The following GRID1 variants were observed in gnomAD, a reference collection of about 807,000 sequenced individuals.
GRID1 encodes glutamate ionotropic receptor delta type subunit 1.
Under a neutral mutation model 98.0 loss-of-function variants are expected in GRID1, and 28 were observed. The observed-to-expected ratio is 0.29, with a 90% CI of 0.21 to 0.39. GRID1 has a LOEUF of 0.39. Ranked by LOEUF, GRID1 falls within the 10% of genes least tolerant of loss-of-function variation. The pLI, the probability that GRID1 is intolerant of heterozygous loss-of-function variation, is 1.00. For synonymous variants in GRID1, 553 were observed against 538.5 expected, an observed-to-expected ratio of 1.03 and a Z score of -0.37; for missense variants, 1,111 against 1,340.5, an observed-to-expected ratio of 0.83 and a Z score of 2.67.
chr10:85,828,813 T>C (rs1842842555), intron 8 of GRID1, among the ~76,000 whole-genome samples: 1 of 151,968 alleles, frequency 6.6e-6, no homozygotes, highest in Non-Finnish European at 1.5e-5. Context: ...GAATCAGTAA[T>C]AAAAAGCCTA....
chr10:85,603,060 A>G (rs1842604748), intron 15 of GRID1, among the ~76,000 whole-genome samples: 2 of 152,212 alleles, frequency 1.3e-5, no homozygotes, highest in Middle Eastern at 3.2e-3. Flanking sequence ...ACAGGAATAA[A>G]GGAAATAGTC....
At chr10:85,819,507 G>A (rs958897521) in intron 8 of GRID1, among the ~76,000 whole-genome samples, 22 of 152,084 alleles carry the variant, frequency 1.4e-4, no homozygotes, top group African/African-American at 5.1e-4. Flanking sequence ...CCTTAAACAG[G>A]CAATCAAGGT....
intron 5 of GRID1, among the ~76,000 whole-genome samples, chr10:85,902,222 A>C (rs1287667580): frequency 1.3e-5 from 2 of 152,176 alleles, no homozygotes; most frequent in African/African-American, 4.8e-5. Context: ...AGTTTTTTCT[A>C]TCTGATAACC....
chr10:85,877,984 A>C (rs561056678), intron 5 of GRID1, among the ~76,000 whole-genome samples: 1 of 152,254 alleles, frequency 6.6e-6, no homozygotes, highest in South Asian at 2.1e-4. Flanking sequence ...CAGAAGCCTC[A>C]GGAGCCGATG....
At chr10:85,713,901 C>A (rs895821177) in intron 12 of GRID1, among the ~76,000 whole-genome samples, 1 of 151,902 alleles carries the variant, frequency 6.6e-6, no homozygotes, top group Non-Finnish European at 1.5e-5. Flanking sequence ...TCATACTCAG[C>A]AGTAAAAAGC....
intron 6 of GRID1, among the ~76,000 whole-genome samples, chr10:85,857,564 C>T (rs73340506): frequency 1.3e-5 from 2 of 152,098 alleles, no homozygotes; most frequent in African/African-American, 2.4e-5. Flanking sequence ...GAAGGGAAGG[C>T]GGTGAGGGCG....
At chr10:86,074,333 A>G (rs1843848752) in intron 4 of GRID1, among the ~76,000 whole-genome samples, 2 of 152,228 alleles carry the variant, frequency 1.3e-5, no homozygotes, top group African/African-American at 4.8e-5. Context: ...CCACTCGTCC[A>G]TCTCAGTCTC....
chr10:85,774,059 A>T lies in GRID1; in HGVS notation c.1234-44445T>A, dbSNP rs554681310. ...AGAACAAAGCTGTAGGCATCACGCTATCTGACTTCAAACTATACTACAAGG... is the reference window on the plus strand; with the variant it reads ...AGAACAAAGCTGTAGGCATCACGCTTTCTGACTTCAAACTATACTACAAGG... On this transcript the variant is annotated intron_variant, in intron 8 of 15. Transcript: ENST00000327946. Among the ~76,000 whole-genome samples, 25 of 152,212 alleles carry T rather than the reference A, an allele frequency of 1.6e-4. 1 individual carries two copies. Among genetic ancestry groups the T allele is most frequent in the African/African-American group, 5.8e-4 (24 of 41,454 alleles).
At chr10:85,613,245 C>T (rs1204665962) in intron 15 of GRID1, 162 bp downstream of exon 15, 1 of 735,080 alleles carries the variant, frequency 1.4e-6, no homozygotes. Flanking sequence ...GTTTTAAAAA[C>T]AAAATAAAAC....
At chr10:85,898,246 G>T (rs1425082199) in intron 5 of GRID1, among the ~76,000 whole-genome samples, 7 of 152,160 alleles carry the variant, frequency 4.6e-5, no homozygotes, top group Non-Finnish European at 1.0e-4. Flanking sequence ...ATAAAAAATT[G>T]TACAACTGTA....
intron 2 of GRID1, among the ~76,000 whole-genome samples, chr10:86,228,020 T>C (rs1264913051): frequency 6.6e-6 from 1 of 150,780 alleles, no homozygotes; most frequent in Non-Finnish European, 1.5e-5. Flanking sequence ...GGAAGGATAG[T>C]TGGATGGATG....
intron 8 of GRID1, among the ~76,000 whole-genome samples, chr10:85,758,602 T>C (rs945268302): frequency 6.6e-6 from 1 of 152,152 alleles, no homozygotes; most frequent in African/African-American, 2.4e-5. Flanking sequence ...TCTCATAGTG[T>C]CTCACCATCA....
At chr10:86,022,478 A>G (rs992951166) in intron 4 of GRID1, among the ~76,000 whole-genome samples, 8 of 152,116 alleles carry the variant, frequency 5.3e-5, no homozygotes, top group Non-Finnish European at 1.0e-4. Context: ...CCTCCTGCCC[A>G]TAAGGGTCAT....
rs546647572 is a variant in GRID1 at position 86,196,636 on chromosome 10, G to A, written c.520+9728C>T. ...ATTGCCATCTCACTGTGATTCATATGTGTTTTGTAGTCATTCTTGACTTGA... is the reference window on the plus strand; with the variant it reads ...ATTGCCATCTCACTGTGATTCATATATGTTTTGTAGTCATTCTTGACTTGA... On this transcript the variant is annotated intron_variant, in intron 3 of 15. Coordinates refer to ENST00000327946, the MANE Select transcript of GRID1 (RefSeq NM_017551.3). 1.6e-4 allele frequency among the ~76,000 whole-genome samples: 24 copies of A among 152,236 alleles called. No homozygotes were observed. The East Asian group carries it at 4.6e-3, about 29-fold the overall frequency.
intron 3 of GRID1, among the ~76,000 whole-genome samples, chr10:86,173,167 A>C (rs1845519825): frequency 6.6e-6 from 1 of 152,212 alleles, no homozygotes; most frequent in South Asian, 2.1e-4. Context: ...CCTACCAAGT[A>C]GCTGGGACTA....
intron 6 of GRID1, among the ~76,000 whole-genome samples, chr10:85,856,565 G>A (rs980511798): frequency 6.6e-6 from 1 of 152,224 alleles, no homozygotes. Flanking sequence ...GGAGGGCACA[G>A]CATTTGCAAG....
At chr10:86,207,107 A>G (rs1846037526) in intron 2 of GRID1, among the ~76,000 whole-genome samples, 1 of 152,210 alleles carries the variant, frequency 6.6e-6, no homozygotes, top group Non-Finnish European at 1.5e-5. Flanking sequence ...GTGTTCTACA[A>G]CTGTTGACTG....
intron 2 of GRID1, among the ~76,000 whole-genome samples, chr10:86,219,545 G>A (rs1332276754): frequency 6.6e-6 from 1 of 152,112 alleles, no homozygotes; most frequent in African/African-American, 2.4e-5. Context: ...CAGCACCCCC[G>A]CTCCCCTTCT....
intron 2 of GRID1, among the ~76,000 whole-genome samples, chr10:86,246,561 C>G (rs1846730443): frequency 6.6e-6 from 1 of 152,202 alleles, no homozygotes; most frequent in Non-Finnish European, 1.5e-5. Context: ...ACTGAGCCAT[C>G]TCCCCTTGCT....
Sources: allele counts gnomAD v4.1 joint callset (sites outside exome capture counted in the v4.1 genomes callset), GRCh38; gene constraint gnomAD v4.1.1; transcripts MANE v1.5; gene names NCBI Gene and HGNC (gene_info 2026-07-23, HGNC 2026-07-21).